The following SCUBE1 variants were observed in gnomAD, a reference collection of about 807,000 sequenced individuals.
SCUBE1 encodes the protein signal peptide, CUB and EGF-like domain-containing protein 1.
In SCUBE1, 59 loss-of-function variants were observed where a neutral mutation model predicts 124.4. The observed-to-expected ratio is 0.47, with a 90% CI of 0.38 to 0.59. SCUBE1 has a LOEUF of 0.59. Among genes scored for constraint, SCUBE1 ranks in the 20% least tolerant of loss-of-function variants. The probability of loss-of-function intolerance (pLI) is 0.00; values close to 1 mark genes in which losing one functional copy is unlikely to be tolerated. For missense variants in SCUBE1, 1,150 were observed against 1,371.2 expected (o/e 0.84, Z 2.55); for synonymous variants, 545 against 550.9 (o/e 0.99, Z 0.15).
intron 21 of SCUBE1, among the ~76,000 whole-genome samples, chr22:43,204,486 A>G (rs990789300): frequency 3.3e-5 from 5 of 151,644 alleles, no homozygotes; most frequent in Non-Finnish European, 5.9e-5. Flanking sequence ...TTCAGTAGAG[A>G]CGCATTTTCA....
At chr22:43,310,225 C>T (rs1483133511) in intron 3 of SCUBE1, among the ~76,000 whole-genome samples, 1 of 152,012 alleles carries the variant, frequency 6.6e-6, no homozygotes, top group African/African-American at 2.4e-5. Context: ...CACACTTGTC[C>T]CCCTTCTGCT....
At chr22:43,340,554 G>A (rs1030521139) in intron 1 of SCUBE1, among the ~76,000 whole-genome samples, 9 of 150,348 alleles carry the variant, frequency 6.0e-5, no homozygotes. Flanking sequence ...GGGAGGGGAC[G>A]TGCCTCTTGT....
intron 21 of SCUBE1, 52 bp downstream of exon 21, chr22:43,207,482 C>A: frequency 7.0e-7 from 1 of 1,434,638 alleles, no homozygotes. Context: ...CCTGGCTCAT[C>A]ACAGGCCCCA....
intron 2 of SCUBE1, among the ~76,000 whole-genome samples, chr22:43,334,363 G>A (rs942470516): frequency 6.6e-6 from 1 of 152,192 alleles, no homozygotes; most frequent in African/African-American, 2.4e-5. Context: ...ATAAGTATAT[G>A]CATATGGTTT....
At chr22:43,335,961 A>G (rs1927065306) in intron 2 of SCUBE1, among the ~76,000 whole-genome samples, 1 of 151,508 alleles carries the variant, frequency 6.6e-6, no homozygotes, top group Admixed American at 6.6e-5. Flanking sequence ...GATAATGATG[A>G]TGGTGATGAT....
Position 43,231,836 on chromosome 22 carries a change from T to G in SCUBE1, c.884A>C (p.His295Pro). The G allele has an allele frequency of 6.2e-7, 1 of 1,613,298 alleles. No individual in the cohort carries two copies. The highest frequency in any genetic ancestry group is 8.5e-7 in the Non-Finnish European group (1 of 1,179,830). Residue 295 changes from histidine (H) to proline (P), a missense_variant, in exon 8 of 22, where the codon CAC becomes CCC. Around this residue, in one of 3 missense-constraint regions of SCUBE1, gnomAD observed 337 missense variants for 482.1 expected, o/e 0.70. Transcript: ENST00000360835. ...ECLVNNGGCD[H>P]FCRNTVGSFE... ...GCTGCCCACGGTGTTGCGGCAGAAG[T>G]GGTCGCAGCCTCCGTTGTTGACCAG...
intron 3 of SCUBE1, among the ~76,000 whole-genome samples, chr22:43,298,089 G>T (rs561070983): frequency 6.6e-6 from 1 of 152,384 alleles, no homozygotes; most frequent in East Asian, 1.9e-4. Flanking sequence ...AGGCAGAAAA[G>T]CCTCTTGGCT....
chr22:43,297,490 C>A (rs1010805789), intron 3 of SCUBE1, among the ~76,000 whole-genome samples: 1 of 152,262 alleles, frequency 6.6e-6, no homozygotes, highest in African/African-American at 2.4e-5. Flanking sequence ...ACTCGGTCCT[C>A]ACAGGCGCAG....
At chr22:43,311,726 C>T (rs1926177206) in intron 3 of SCUBE1, among the ~76,000 whole-genome samples, 1 of 151,970 alleles carries the variant, frequency 6.6e-6, no homozygotes, top group Non-Finnish European at 1.5e-5. Context: ...TGTGCCTGGC[C>T]CTAATATAGC....
At chr22:43,318,686 T>G (rs1282197767) in intron 3 of SCUBE1, among the ~76,000 whole-genome samples, 1 of 152,168 alleles carries the variant, frequency 6.6e-6, no homozygotes, top group Non-Finnish European at 1.5e-5. Context: ...CCTACTCTTC[T>G]CCTTTTTTCC....
At chr22:43,214,041 G>GCCCCCCCCCCCCCCCCCCCCCCCC in intron 16 of SCUBE1, 49 bp downstream of exon 16, 3 of 484,844 alleles carry the variant, frequency 6.2e-6, no homozygotes, top group Non-Finnish European at 1.0e-5. Context: ...GACAGGAGGA[G>GCCCCCCCCCCCCCCCCCCCCCCCC]CCCCCGCCCA....
intron 3 of SCUBE1, among the ~76,000 whole-genome samples, chr22:43,309,434 G>C (rs1033699340): frequency 3.3e-5 from 5 of 152,128 alleles, no homozygotes; most frequent in African/African-American, 1.2e-4. Context: ...GATGCTCCTT[G>C]AGGGCCCGAA....
chr22:43,253,891 G>A (rs1209306362), intron 6 of SCUBE1, among the ~76,000 whole-genome samples: 1 of 147,258 alleles, frequency 6.8e-6, no homozygotes, highest in African/African-American at 2.7e-5. Flanking sequence ...GAGACCGAGG[G>A]CCCTGCCCTG....
intron 6 of SCUBE1, among the ~76,000 whole-genome samples, chr22:43,257,050 G>T (rs772177977): frequency 3.3e-5 from 5 of 152,248 alleles, no homozygotes; most frequent in Non-Finnish European, 5.9e-5. Flanking sequence ...AATAAAAAAT[G>T]GTTGTCTGAA....
intron 10 of SCUBE1, among the ~76,000 whole-genome samples, chr22:43,226,397 C>T (rs1296811246): frequency 6.6e-6 from 1 of 151,576 alleles, no homozygotes; most frequent in Non-Finnish European, 1.5e-5. Flanking sequence ...CAGACCCTCA[C>T]AGCAAGGGAG....
intron 3 of SCUBE1, among the ~76,000 whole-genome samples, chr22:43,301,935 T>C (rs557200691): frequency 8.1e-4 from 123 of 152,326 alleles, no homozygotes; most frequent in African/African-American, 2.8e-3. Flanking sequence ...CGCTGCCGTA[T>C]GCTGCAAAGT....
At position 43,252,842 on chromosome 22, in the gene SCUBE1, G is replaced by A. The variant is rs568215337; in HGVS notation, c.727+5377C>T. On this transcript the variant is annotated intron_variant, in intron 6 of 21. Transcript: ENST00000360835. ...TCACCTCCCTTACTCTCCATACCTC[G>A]CCTCTATTAATACAACGTGGGGGCA... Among the ~76,000 whole-genome samples the A allele has an allele frequency of 9.3e-5, 14 of 149,736 alleles. No individual in the cohort carries two copies. The South Asian group carries it at 2.1e-3, about 23-fold the overall frequency.
chr22:43,281,462 GCCACCC>G (rs1340744345), intron 4 of SCUBE1, among the ~76,000 whole-genome samples: 16 of 58,638 alleles, frequency 2.7e-4, no homozygotes, highest in Admixed American at 6.6e-4. Flanking sequence ...ATCTCCCTCA[GCCACCC>G]TCCTGTCACC....
intron 4 of SCUBE1, among the ~76,000 whole-genome samples, chr22:43,281,754 C>T (rs1601856332): frequency 6.6e-6 from 1 of 152,230 alleles, no homozygotes; most frequent in East Asian, 1.9e-4. Flanking sequence ...CCCTGCTTCA[C>T]CTGTACAACT....
Sources: allele counts gnomAD v4.1 joint callset (sites outside exome capture counted in the v4.1 genomes callset), GRCh38; gene constraint gnomAD v4.1.1; regional missense constraint gnomAD v4.1.1; transcripts MANE v1.5; gene names NCBI Gene and HGNC (gene_info 2026-07-23, HGNC 2026-07-21).